Variants in ODF2 observed in about 807,000 individuals in gnomAD.
ODF2 encodes outer dense fiber protein 2.
ODF2 carries 47 observed loss-of-function variants against 110.2 expected under a neutral mutation model. That is an observed-to-expected ratio of 0.43 (90% CI 0.34 to 0.54). The LOEUF (loss-of-function observed/expected upper bound fraction) is 0.54. Ranked by LOEUF, ODF2 falls within the 20% of genes least tolerant of loss-of-function variation. The probability of loss-of-function intolerance (pLI) is 0.03; values close to 1 mark genes in which losing one functional copy is unlikely to be tolerated. For synonymous variants in ODF2, 352 were observed against 397.7 expected, an observed-to-expected ratio of 0.89 and a Z score of 1.37; for missense variants, 812 against 1,054.5, an observed-to-expected ratio of 0.77 and a Z score of 3.19.
chr9:128,487,988 A>C, exon 14 of ODF2: 1 of 1,614,052 alleles, frequency 6.2e-7, no homozygotes, highest in Non-Finnish European at 8.5e-7. Flanking sequence ...CAGACTGCTG[A>C]GTATTCCGCA....
chr9:128,464,401 G>T (rs898433020), intron 4 of ODF2, among the ~76,000 whole-genome samples: 2 of 151,178 alleles, frequency 1.3e-5, no homozygotes, highest in African/African-American at 4.9e-5. Flanking sequence ...TGATCCGCCC[G>T]CCTTGGCCTC....
intron 4 of ODF2, chr9:128,461,443 G>C (rs992600624): frequency 5.4e-6 from 1 of 186,362 alleles, no homozygotes; most frequent in Non-Finnish European, 1.1e-5. Flanking sequence ...TTTTGAGACA[G>C]AGCCTTGCTC....
chr9:128,493,800 T>C (rs1240192575), intron 16 of ODF2, among the ~76,000 whole-genome samples: 1 of 152,110 alleles, frequency 6.6e-6, no homozygotes, highest in Non-Finnish European at 1.5e-5. Flanking sequence ...TTAAAATTTA[T>C]TTTATTTTTT....
At chr9:128,470,644 C>T (rs1211024146) in intron 5 of ODF2, among the ~76,000 whole-genome samples, 1 of 151,760 alleles carries the variant, frequency 6.6e-6, no homozygotes, top group African/African-American at 2.4e-5. Flanking sequence ...AAAAAAAGCC[C>T]TTCTTCCCCT....
chr9:128,482,896 CTTTTTTTTTTT>C lies in ODF2; in HGVS notation c.987+18_987+28del. On this transcript the variant is annotated intron_variant, in intron 10 of 20. Coordinates refer to ENST00000604420, the Ensembl canonical transcript of ODF2. ...AAATACAATGTGAGAAGGTAGTGTGCTTTTTTTTTTTTTTTTTTTAGACGGAGTCTCGCTCT... is the reference window on the plus strand; with the variant it reads ...AAATACAATGTGAGAAGGTAGTGTGCTTTTTTTTAGACGGAGTCTCGCTCT... 7.6e-7 allele frequency: 1 copy of C among 1,323,468 alleles called. No individual in the cohort carries two copies. The highest frequency in any genetic ancestry group is 1.5e-5 in the South Asian group (1 of 68,462). 82.0% of individuals were successfully genotyped at this position (1,323,468 alleles called of 1,614,324 possible).
chr9:128,470,827 A>T (rs549513828), intron 5 of ODF2, among the ~76,000 whole-genome samples: 12 of 152,064 alleles, frequency 7.9e-5, no homozygotes, highest in Non-Finnish European at 1.8e-4. Flanking sequence ...GTCAGTCTTC[A>T]TGGCAGTTAA....
intron 5 of ODF2, among the ~76,000 whole-genome samples, chr9:128,469,989 A>C (rs1198949847): frequency 7.3e-5 from 2 of 27,478 alleles, no homozygotes; most frequent in African/African-American, 3.7e-4. Context: ...GTCTCAAAAA[A>C]AAAAAAAAAA....
intron 4 of ODF2, among the ~76,000 whole-genome samples, chr9:128,463,900 A>G (rs557393862): frequency 1.1e-4 from 16 of 152,284 alleles, no homozygotes; most frequent in South Asian, 6.2e-4. Flanking sequence ...GCTGGAGTGC[A>G]GTGACGCAAT....
chr9:128,469,073 T>C, intron 4 of ODF2, 110 bp from the exon 5 acceptor site: 1 of 995,746 alleles, frequency 1.0e-6, no homozygotes, highest in Non-Finnish European at 1.5e-6. Flanking sequence ...GGTCCCCGAG[T>C]TAGCTGTTAC....
At chr9:128,455,917 A>G, upstream of ODF2, 1 of 1,374,762 alleles carries the variant, frequency 7.3e-7, no homozygotes, top group Non-Finnish European at 9.4e-7. Context: ...AAAGGCCTTG[A>G]ATGGGGGGCG....
In ODF2 at chr9:128,473,602, T is replaced by C. The variant is rs769907518; in HGVS notation, c.712-8T>C. 2.5e-6 allele frequency: 4 copies of C among 1,612,974 alleles called. No individual in the cohort carries two copies. The East Asian group carries it at 8.9e-5, about 36-fold the overall frequency. ...CTGCATCTGTAAGACTGGCTACTTGTCTTCCAGGAGAAACAAATGACCTGC... is the reference window on the plus strand; with the variant it reads ...CTGCATCTGTAAGACTGGCTACTTGCCTTCCAGGAGAAACAAATGACCTGC... On this transcript the variant is annotated splice_polypyrimidine_tract_variant and splice_region_variant and intron_variant, in intron 7 of 20. Transcript: ENST00000604420.
chr9:128,493,504 T>C (rs1023824099), intron 16 of ODF2, among the ~76,000 whole-genome samples: 1 of 152,240 alleles, frequency 6.6e-6, no homozygotes, highest in Non-Finnish European at 1.5e-5. Context: ...GTCCTTATTT[T>C]GTACCAGCCA....
intron 4 of ODF2, among the ~76,000 whole-genome samples, chr9:128,461,526 C>G (rs1356881934): frequency 6.6e-6 from 1 of 152,080 alleles, no homozygotes; most frequent in Non-Finnish European, 1.5e-5. Flanking sequence ...TCAAGTGATT[C>G]TCCAGCCTCA....
At chr9:128,468,828 A>C in intron 4 of ODF2, 1 of 191,450 alleles carries the variant, frequency 5.2e-6, no homozygotes, top group Non-Finnish European at 1.1e-5. Context: ...AGCGCTAGCT[A>C]ATTCTTTTAC....
At chr9:128,500,327 A>G in exon 21 of ODF2, 1 of 1,498,304 alleles carries the variant, frequency 6.7e-7, no homozygotes, top group Non-Finnish European at 9.2e-7. Context: ...ATAGCTGAGA[A>G]GCCTGGTGGT....
intron 1 of ODF2, chr9:128,457,118 C>G: frequency 4.2e-6 from 6 of 1,416,964 alleles, no homozygotes; most frequent in South Asian, 1.2e-5. Context: ...CTTTCCCTCG[C>G]GGTTCTGCCC....
intron 4 of ODF2, chr9:128,461,492 C>CA (rs1444290576): frequency 1.3e-5 from 2 of 156,234 alleles, no homozygotes; most frequent in African/African-American, 2.4e-5. Context: ...GATCTTGGCT[C>CA]ATTGCAACCT....
At chr9:128,455,902 G>A (rs534714018), upstream of ODF2, 31 of 1,318,918 alleles carry the variant, frequency 2.4e-5, no homozygotes, top group African/African-American at 3.8e-4. Flanking sequence ...ACAGGGCCGA[G>A]CGGGAAAGGC....
At position 128,500,380 on chromosome 9, in the gene ODF2, A is replaced by C. The variant is rs1846334633; in HGVS notation, c.*125A>C. 4 of 857,474 alleles carry C rather than the reference A, an allele frequency of 4.7e-6. No individual in the cohort carries two copies. The Admixed American group carries it at 7.1e-5, about 15-fold the overall frequency. The allele number at this position is 857,474 out of a possible 1,614,324, so 53.1% of individuals were successfully genotyped here. A position where few individuals can be genotyped will look rare whatever the true frequency, so the allele number is the denominator to read the frequency against. On this transcript the variant is annotated 3_prime_UTR_variant, in exon 21 of 21. Transcript: ENST00000604420. ...AAAATGGGTTCAGGGTCTTGTCCTT[A>C]GCTACTAGCTCTAGAAAAGTCCCAA... is the stretch of plus-strand genomic sequence containing the variant.
Sources: gnomAD v4.1 joint callset for allele counts (sites outside exome capture counted in the v4.1 genomes callset) on GRCh38, gnomAD v4.1.1 for gene constraint, MANE v1.5 for transcripts, NCBI Gene and HGNC (gene_info 2026-07-23, HGNC 2026-07-21) for gene names.